Variants in INO80 observed in about 807,000 individuals in gnomAD.
INO80 encodes INO80 complex ATPase subunit.
Under a neutral mutation model 203.4 loss-of-function variants are expected in INO80, and 20 were observed. The observed-to-expected ratio is 0.10, with a 90% CI of 0.07 to 0.14. INO80 has a LOEUF of 0.14. Ranked by LOEUF, INO80 falls within the 10% of genes least tolerant of loss-of-function variation. The pLI is 1.00. For synonymous variants in INO80, 726 were observed against 685.2 expected, an observed-to-expected ratio of 1.06 and a Z score of -0.93; for missense variants, 1,419 against 1,914.4, an observed-to-expected ratio of 0.74 and a Z score of 4.83.
At chr15:40,987,283 C>A in intron 30 of INO80, 90 bp from the exon 31 acceptor site, 1 of 767,676 alleles carries the variant, frequency 1.3e-6, no homozygotes, top group South Asian at 1.6e-5. Context: ...TCTCAACCCA[C>A]TCCTCAGGGG....
intron 1 of INO80, among the ~76,000 whole-genome samples, chr15:41,105,377 C>G (rs1339835155): frequency 6.6e-6 from 1 of 152,152 alleles, no homozygotes; most frequent in Non-Finnish European, 1.5e-5. Context: ...CTCACCCATT[C>G]TACTGAGATT....
chr15:41,092,474 A>G (rs1353402690), intron 4 of INO80, among the ~76,000 whole-genome samples: 1 of 152,222 alleles, frequency 6.6e-6, no homozygotes, highest in Non-Finnish European at 1.5e-5. Context: ...TCATATACAT[A>G]CAAACTATAC....
intron 24 of INO80, among the ~76,000 whole-genome samples, chr15:41,029,278 A>G (rs2044423480): frequency 6.6e-6 from 1 of 152,188 alleles, no homozygotes; most frequent in Non-Finnish European, 1.5e-5. Flanking sequence ...CCACTTATAC[A>G]GCTTTATTTT....
intron 21 of INO80, 82 bp downstream of exon 21, chr15:41,049,205 C>T (rs189736545): frequency 2.6e-6 from 3 of 1,176,288 alleles, no homozygotes; most frequent in Admixed American, 4.7e-5. Context: ...AACTCATATT[C>T]TCTCCACTAA....
Position 40,995,813 on chromosome 15 carries a change from T to C in INO80, c.3570+1716A>G, listed in dbSNP as rs541195924. ...CTGATATGGTAGAAACTATGTGATATGGCTCAAGTGAGCCACCACATCAGA... is the reference window on the plus strand; with the variant it reads ...CTGATATGGTAGAAACTATGTGATACGGCTCAAGTGAGCCACCACATCAGA... On this transcript the variant is annotated intron_variant, in intron 29 of 35. Transcript: ENST00000648947. Among the ~76,000 whole-genome samples the C allele has an allele frequency of 2.0e-5, 3 of 152,346 alleles. No individual in the cohort carries two copies. The East Asian group carries it at 5.8e-4, about 29-fold the overall frequency.
intron 14 of INO80, among the ~76,000 whole-genome samples, chr15:41,064,841 A>C (rs572354936): frequency 5.9e-5 from 9 of 152,176 alleles, no homozygotes; most frequent in African/African-American, 2.2e-4. Context: ...TACTAAGAAT[A>C]AAGAAATTCA....
chr15:41,000,127 C>T (rs575103840), intron 28 of INO80, among the ~76,000 whole-genome samples: 2 of 152,218 alleles, frequency 1.3e-5, no homozygotes, highest in African/African-American at 4.8e-5. Flanking sequence ...TTCCCACTTC[C>T]GCACTGAGAA....
rs2044284536 is a variant in INO80 at position 41,020,933 on chromosome 15, G to T, written c.3241C>A (p.Pro1081Thr). The T allele has an allele frequency of 6.2e-7, 1 of 1,613,590 alleles. No individual in the cohort carries two copies. The highest frequency in any genetic ancestry group is 8.5e-7 in the Non-Finnish European group (1 of 1,179,664). Residue 1081 changes from proline (P) to threonine (T), a missense_variant, in exon 26 of 36, where the codon CCT becomes ACT. Physicochemically the swap from Pro to Thr is conservative, Grantham distance 38. Transcript: ENST00000648947. ...EPAGGLWSIR[P>T]QNGWSFIRIP... ...CTGATGAAAGACCAGCCATTCTGAG[G>T]TCTGATGCTCCACAGACCTCCAGCT...
chr15:41,024,304 G>A (rs1244033742), intron 25 of INO80, among the ~76,000 whole-genome samples: 1 of 152,146 alleles, frequency 6.6e-6, no homozygotes, highest in Non-Finnish European at 1.5e-5. Context: ...AGGTCCAAAA[G>A]AGGGCAAAAA....
intron 27 of INO80, among the ~76,000 whole-genome samples, chr15:41,006,507 A>C (rs896353283): frequency 2.0e-5 from 3 of 152,226 alleles, no homozygotes; most frequent in African/African-American, 7.2e-5. Context: ...GAAAAAGACT[A>C]ATCATTTCTA....
At chr15:41,022,796 C>G (rs1047250123) in intron 25 of INO80, among the ~76,000 whole-genome samples, 1 of 152,140 alleles carries the variant, frequency 6.6e-6, no homozygotes, top group Non-Finnish European at 1.5e-5. Context: ...TCACCTTTAT[C>G]CTCTCCAAAA....
intron 9 of INO80, 127 bp downstream of exon 9, chr15:41,079,574 C>CAAA (rs57754557): frequency 1.4e-3 from 879 of 644,690 alleles, no homozygotes; most frequent in Non-Finnish European, 1.7e-3. Flanking sequence ...GCATCTCTAC[C>CAAA]AAAAAAAAAA....
intron 24 of INO80, among the ~76,000 whole-genome samples, chr15:41,032,375 A>G (rs1481293413): frequency 6.6e-6 from 1 of 152,148 alleles, no homozygotes; most frequent in African/African-American, 2.4e-5. Flanking sequence ...TTCCATGGAT[A>G]TTTTAAGCAT....
chr15:41,068,364 G>A (rs1457219624), intron 14 of INO80, among the ~76,000 whole-genome samples: 1 of 152,182 alleles, frequency 6.6e-6, no homozygotes, highest in East Asian at 1.9e-4. Flanking sequence ...AGACCAGCCT[G>A]ACCAACATCG....
Position 41,050,058 on chromosome 15 carries a change from C to T in INO80, c.2319G>A (p.Leu773=). 6.2e-7 allele frequency: 1 copy of T among 1,613,784 alleles called. No individual in the cohort carries two copies. The highest frequency in any genetic ancestry group is 8.5e-7 in the Non-Finnish European group (1 of 1,179,676). Reference sequence around the variant, plus strand: ...TTTTGTTCTTTAGTGCCTGATATAGCAGCTTCTGTCGGCTGGTCAGTTGGC... The same window carrying T: ...TTTTGTTCTTTAGTGCCTGATATAGTAGCTTCTGTCGGCTGGTCAGTTGGC... ...MYCQLTSRQK[L]LYQALKNKIS... The change falls in exon 20 of 36, where the codon CTG becomes CTA. Residue 773 remains leucine, a synonymous_variant. Transcript: ENST00000648947.
At chr15:41,067,752 A>C (rs573011740) in intron 14 of INO80, among the ~76,000 whole-genome samples, 8 of 152,296 alleles carry the variant, frequency 5.3e-5, no homozygotes, top group Non-Finnish European at 1.0e-4. Context: ...GAAACCCATC[A>C]CTATTACAGA....
At chr15:41,001,983 C>T (rs1458036852) in intron 28 of INO80, among the ~76,000 whole-genome samples, 3 of 152,146 alleles carry the variant, frequency 2.0e-5, no homozygotes, top group Admixed American at 6.5e-5. Flanking sequence ...GAGCATTTTC[C>T]GCCCTTTGGA....
chr15:41,065,603 C>G (rs931109667), intron 14 of INO80, among the ~76,000 whole-genome samples: 1 of 152,088 alleles, frequency 6.6e-6, no homozygotes, highest in Non-Finnish European at 1.5e-5. Flanking sequence ...GTACTACTCA[C>G]AACAGCCAAA....
chr15:41,053,843 C>T, intron 19 of INO80, 86 bp downstream of exon 19: 1 of 993,312 alleles, frequency 1.0e-6, no homozygotes, highest in East Asian at 2.5e-5. Context: ...CAAACTTCAA[C>T]TAAACATATA....
Sources: allele counts gnomAD v4.1 joint callset (sites outside exome capture counted in the v4.1 genomes callset), GRCh38; gene constraint gnomAD v4.1.1; transcripts MANE v1.5; gene names NCBI Gene and HGNC (gene_info 2026-07-23, HGNC 2026-07-21).